Variants in KIAA0825 observed in about 807,000 individuals in gnomAD.
The protein encoded by KIAA0825 is uncharacterized protein KIAA0825.
A neutral mutation model predicts 147.6 loss-of-function variants in KIAA0825; 119 were observed. The observed-to-expected ratio is 0.81, with a 90% confidence interval of 0.69 to 0.94. KIAA0825 has a LOEUF of 0.94. Among genes scored for constraint, KIAA0825 ranks in the 40% least tolerant of loss-of-function variants. The pLI, the probability that KIAA0825 is intolerant of heterozygous loss-of-function variation, is 0.00. For synonymous variants in KIAA0825, 470 were observed against 518.1 expected (o/e 0.91, Z 1.26); for missense variants, 1,381 against 1,472.7 (o/e 0.94, Z 1.02).
chr5:94,332,433 T>G (rs542817980), intron 20 of KIAA0825, among the ~76,000 whole-genome samples: 1 of 152,234 alleles, frequency 6.6e-6, no homozygotes, highest in South Asian at 2.1e-4. Flanking sequence ...TGCCCATATG[T>G]TCTCATTGTT....
chr5:94,346,492 T>A (rs557022912), intron 20 of KIAA0825, among the ~76,000 whole-genome samples: 16 of 152,148 alleles, frequency 1.1e-4, no homozygotes, highest in African/African-American at 3.4e-4. Context: ...TCCCCAAAAC[T>A]GTGAGTGCCC....
At chr5:94,492,160 T>C (rs1393346316) in intron 5 of KIAA0825, among the ~76,000 whole-genome samples, 2 of 152,190 alleles carry the variant, frequency 1.3e-5, no homozygotes, top group African/African-American at 4.8e-5. Context: ...GTATCATATG[T>C]TTATTTATAC....
intron 5 of KIAA0825, among the ~76,000 whole-genome samples, chr5:94,499,745 G>T (rs1294025145): frequency 6.6e-6 from 1 of 152,186 alleles, no homozygotes; most frequent in South Asian, 2.1e-4. Flanking sequence ...TTAAGAAAAT[G>T]GTTCAGTTAA....
chr5:94,476,733 A>G (rs1215463899), intron 7 of KIAA0825, among the ~76,000 whole-genome samples: 1 of 152,140 alleles, frequency 6.6e-6, no homozygotes, highest in Non-Finnish European at 1.5e-5. Context: ...GGACCAAACA[A>G]TCACAGGATG....
rs1330469112 is a variant in KIAA0825, at chr5:94,386,384, C to T, written c.3477G>A (p.Leu1159=). The T allele has an allele frequency of 1.1e-5, 17 of 1,548,072 alleles. No homozygotes were observed. The highest frequency in any genetic ancestry group is 1.7e-4 in the Middle Eastern group (1 of 5,986). The change falls in exon 19 of 21, where the codon CTG becomes CTA. Residue 1159 remains leucine, a synonymous_variant. Transcript: ENST00000682413. ...QLNEEYLKEQ[L]FSMNSSEEKP... ...TTTCCTCTGAACTATTCATAGAAAACAGCTGTTCTTTTAAATATTCCTTCA... is the reference window on the plus strand; with the variant it reads ...TTTCCTCTGAACTATTCATAGAAAATAGCTGTTCTTTTAAATATTCCTTCA...
At chr5:94,571,615 G>A (rs1407875762) in intron 2 of KIAA0825, among the ~76,000 whole-genome samples, 2 of 152,208 alleles carry the variant, frequency 1.3e-5, no homozygotes, top group East Asian at 1.9e-4. Context: ...ATTTTTAGAT[G>A]TGGTCTTAAA....
intron 1 of KIAA0825, among the ~76,000 whole-genome samples, chr5:94,586,682 A>T (rs1180631669): frequency 1.3e-5 from 2 of 152,214 alleles, no homozygotes; most frequent in Non-Finnish European, 2.9e-5. Flanking sequence ...ATCCTCCCTA[A>T]TTCATTTTAT....
At chr5:94,245,778 A>G (rs1369353373) in intron 20 of KIAA0825, among the ~76,000 whole-genome samples, 2 of 152,160 alleles carry the variant, frequency 1.3e-5, no homozygotes, top group South Asian at 2.1e-4. Flanking sequence ...ACCCTCATGG[A>G]ATCACCTTTG....
chr5:94,199,062 G>A (rs759105203), intron 20 of KIAA0825, among the ~76,000 whole-genome samples: 10 of 152,046 alleles, frequency 6.6e-5, no homozygotes, highest in Non-Finnish European at 1.5e-4. Context: ...ATTTCAGTCT[G>A]GTTAAGAACC....
chr5:94,200,099 CT>C (rs1771523874), intron 20 of KIAA0825, among the ~76,000 whole-genome samples: 1 of 152,184 alleles, frequency 6.6e-6, no homozygotes, highest in Non-Finnish European at 1.5e-5. Flanking sequence ...CCATGTTCCA[CT>C]GCAGCTGTCC....
At chr5:94,329,018 T>C (rs1333511904) in intron 20 of KIAA0825, among the ~76,000 whole-genome samples, 4 of 152,120 alleles carry the variant, frequency 2.6e-5, no homozygotes, top group Non-Finnish European at 5.9e-5. Context: ...GGAAATACTA[T>C]GCAACTTCCT....
At chr5:94,332,616 G>C (rs1394608044) in intron 20 of KIAA0825, among the ~76,000 whole-genome samples, 1 of 152,094 alleles carries the variant, frequency 6.6e-6, no homozygotes, top group Non-Finnish European at 1.5e-5. Flanking sequence ...TCTTTACCCA[G>C]TCTATCATTG....
chr5:94,190,444 GC>G (rs1437309014), intron 20 of KIAA0825, among the ~76,000 whole-genome samples: 1 of 150,816 alleles, frequency 6.6e-6, no homozygotes, highest in Non-Finnish European at 1.5e-5. Flanking sequence ...TCCTGCCTCA[GC>G]CTCCTGAGTA....
chr5:94,347,625 C>A (rs749890065), intron 20 of KIAA0825, among the ~76,000 whole-genome samples: 10 of 152,190 alleles, frequency 6.6e-5, no homozygotes, highest in South Asian at 4.1e-4. Flanking sequence ...CAAGGGAATA[C>A]CCTGTGGGAC....
chr5:94,287,071 A>G lies in KIAA0825; in HGVS notation c.3710+97297T>C, dbSNP rs140494463. On this transcript the variant is annotated intron_variant, in intron 20 of 20. Transcript: ENST00000682413. ...ATTTTCTGAGTCTCAGTGTCTTCATATGTTAGATAGGGATAATAATACCTG... is the reference window on the plus strand; with the variant it reads ...ATTTTCTGAGTCTCAGTGTCTTCATGTGTTAGATAGGGATAATAATACCTG... Among the ~76,000 whole-genome samples, 1,467 of 152,254 alleles carry G rather than the reference A, an allele frequency of 9.6e-3. 31 individuals are homozygous for G. The highest frequency in any genetic ancestry group is 0.034 in the African/African-American group (1,408 of 41,546).
intron 5 of KIAA0825, among the ~76,000 whole-genome samples, chr5:94,491,535 T>C (rs905720606): frequency 1.3e-5 from 2 of 152,138 alleles, no homozygotes; most frequent in Non-Finnish European, 2.9e-5. Context: ...GCAAACACCA[T>C]GATCCTGAGT....
intron 1 of KIAA0825, among the ~76,000 whole-genome samples, chr5:94,585,657 C>T (rs1408050332): frequency 6.6e-6 from 1 of 152,098 alleles, no homozygotes; most frequent in Non-Finnish European, 1.5e-5. Flanking sequence ...CAAGGATATC[C>T]AGGACTTGAA....
chr5:94,280,250 A>T (rs1777398901), intron 20 of KIAA0825, among the ~76,000 whole-genome samples: 1 of 152,096 alleles, frequency 6.6e-6, no homozygotes, highest in South Asian at 2.1e-4. Context: ...TAGATCCAGA[A>T]TCAAACCCCA....
At chr5:94,484,244 G>T (rs184269672) in intron 6 of KIAA0825, among the ~76,000 whole-genome samples, 10 of 151,528 alleles carry the variant, frequency 6.6e-5, no homozygotes. Flanking sequence ...ATTTTCTTAG[G>T]TATTTTATTT....
Sources: gnomAD v4.1 joint callset for allele counts (sites outside exome capture counted in the v4.1 genomes callset) on GRCh38, gnomAD v4.1.1 for gene constraint, MANE v1.5 for transcripts, NCBI Gene and HGNC (gene_info 2026-07-23, HGNC 2026-07-21) for gene names.